NR1D2: variants seen among roughly 807,000 people sequenced by gnomAD.
The protein encoded by NR1D2 is V-erbA-related protein 1-related.
Under a neutral mutation model 52.2 loss-of-function variants are expected in NR1D2, and 25 were observed. The observed-to-expected ratio is 0.48, with a 90% CI of 0.35 to 0.67. The LOEUF (loss-of-function observed/expected upper bound fraction) is 0.67. NR1D2 is among the 30% of genes least tolerant of loss of function. The pLI, the probability that NR1D2 is intolerant of heterozygous loss-of-function variation, is 0.01. For missense variants in NR1D2, 681 were observed against 707.2 expected, an observed-to-expected ratio of 0.96 and a Z score of 0.42; for synonymous variants, 259 against 230.1, an observed-to-expected ratio of 1.13 and a Z score of -1.14.
chr3:23,968,231 T>TA (rs1459836119), intron 7 of NR1D2, among the ~76,000 whole-genome samples: 2 of 152,238 alleles, frequency 1.3e-5, no homozygotes, highest in Non-Finnish European at 2.9e-5. Context: ...AAGTAATACT[T>TA]ACATCTAGGC....
intron 1 of NR1D2, among the ~76,000 whole-genome samples, chr3:23,948,045 A>G (rs1457867542): frequency 6.6e-6 from 1 of 151,524 alleles, no homozygotes; most frequent in Non-Finnish European, 1.5e-5. Context: ...TGAACCTGGG[A>G]GGTGAAGATT....
intron 2 of NR1D2, among the ~76,000 whole-genome samples, chr3:23,955,424 A>G (rs996564420): frequency 1.3e-5 from 2 of 152,202 alleles, no homozygotes; most frequent in African/African-American, 2.4e-5. Flanking sequence ...TCCTGCTGAC[A>G]GGTCTGGAAA....
At position 23,967,988 on chromosome 3, in the gene NR1D2, T is replaced by A. The variant is rs369583351; in HGVS notation, c.1508T>A (p.Met503Lys). 6.2e-7 allele frequency: 1 copy of A among 1,613,988 alleles called. No homozygotes were observed. The highest frequency in any genetic ancestry group is 8.5e-7 in the Non-Finnish European group (1 of 1,179,992). ...LNALQLSDEE[M>K]SLFTAVVLVS... ...GCCCTCCAACTTAGTGATGAAGAGA[T>A]GAGTTTGTTTACAGCTGTTGTCCTG... The change falls in exon 7 of 8, where the codon ATG (methionine) becomes AAG (lysine). Residue 503 changes from methionine to lysine, a missense_variant. Met to Lys is a moderately conservative substitution (Grantham distance 95). Transcript: ENST00000312521.
intron 5 of NR1D2, among the ~76,000 whole-genome samples, chr3:23,963,973 G>A (rs781438412): frequency 6.8e-6 from 1 of 147,586 alleles, no homozygotes; most frequent in African/African-American, 2.5e-5. Flanking sequence ...TCACGCAGTC[G>A]TCATTTAGAA....
chr3:23,953,474 G>A (rs534305411), intron 1 of NR1D2, among the ~76,000 whole-genome samples: 42 of 151,858 alleles, frequency 2.8e-4, no homozygotes, highest in African/African-American at 1.0e-3. Context: ...CTGTTATTCT[G>A]GTATAGCATG....
chr3:23,953,063 G>C (rs1705986610), intron 1 of NR1D2, among the ~76,000 whole-genome samples: 1 of 151,684 alleles, frequency 6.6e-6, no homozygotes, highest in African/African-American at 2.4e-5. Flanking sequence ...GATAGGCCCG[G>C]TGCGGTGGCT....
chr3:23,953,640 C>T (rs1706005014), intron 1 of NR1D2, among the ~76,000 whole-genome samples: 1 of 152,122 alleles, frequency 6.6e-6, no homozygotes, highest in Admixed American at 6.5e-5. Flanking sequence ...CCACATATGT[C>T]TTCTGGGAAC....
chr3:23,967,213 G>T, intron 6 of NR1D2, among the ~76,000 whole-genome samples: 1 of 151,706 alleles, frequency 6.6e-6, no homozygotes, highest in Non-Finnish European at 1.5e-5. Context: ...ATCCCAGCTA[G>T]TTGGGAGGCT....
At chr3:23,967,669 T>C (rs987498690) in intron 6 of NR1D2, 144 bp from the exon 7 acceptor site, 4 of 627,828 alleles carry the variant, frequency 6.4e-6, no homozygotes, top group Non-Finnish European at 1.1e-5. Context: ...AATAGAGTGG[T>C]TTTGAGTAAA....
intron 1 of NR1D2, chr3:23,946,114 C>T (rs1575141464): frequency 3.0e-6 from 3 of 984,742 alleles, no homozygotes; most frequent in Non-Finnish European, 3.6e-6. Context: ...GTGACGTCGC[C>T]GCGATTCCCT....
Position 23,977,628 on chromosome 3 carries a change from T to G in NR1D2, c.*209T>G. On this transcript the variant is annotated 3_prime_UTR_variant, in exon 8 of 8. Transcript: ENST00000312521. Reference sequence around the variant, plus strand: ...TGACTGCATCTCCCTGATAGACCAATCAGCTGTGTCGCACTTAAACTGGAG... The same window carrying G: ...TGACTGCATCTCCCTGATAGACCAAGCAGCTGTGTCGCACTTAAACTGGAG... The G allele has an allele frequency of 2.6e-6, 1 of 383,318 alleles. No homozygotes were observed. The highest frequency in any genetic ancestry group is 4.6e-6 in the Non-Finnish European group (1 of 215,366). The allele number at this position is 383,318 out of a possible 1,614,324, so 23.7% of individuals were successfully genotyped here.
chr3:23,945,309 T>C lies in NR1D2; in HGVS notation c.-270T>C, dbSNP rs900948788. The stretch of plus-strand genomic sequence containing the variant: ...CCGTCAGCCGCCCTCGCCGCCGCGG[T>C]GCGCTGGCTGCAGGAAGCCGCCGCG... On this transcript the variant is annotated 5_prime_UTR_variant, in exon 1 of 8. Coordinates refer to ENST00000312521, the MANE Select transcript of NR1D2 (RefSeq NM_005126.5). 2.5e-5 allele frequency: 4 copies of C among 157,014 alleles called. No homozygotes were observed. The highest frequency in any genetic ancestry group is 9.7e-5 in the African/African-American group (4 of 41,356). 9.7% of individuals were successfully genotyped at this position (157,014 alleles called of 1,614,324 possible).
intron 1 of NR1D2, among the ~76,000 whole-genome samples, chr3:23,950,507 T>C (rs1705895877): frequency 6.6e-6 from 1 of 152,262 alleles, no homozygotes; most frequent in African/African-American, 2.4e-5. Flanking sequence ...GAGGAACTAC[T>C]AGATGTACTC....
At chr3:23,956,202 A>G in intron 3 of NR1D2, 77 bp downstream of exon 3, 1 of 1,143,166 alleles carries the variant, frequency 8.7e-7, no homozygotes, top group Non-Finnish European at 1.3e-6. Flanking sequence ...CCATTTGTGC[A>G]ATTGATAGTC....
intron 6 of NR1D2, 129 bp downstream of exon 6, chr3:23,965,291 G>T: frequency 1.5e-6 from 1 of 686,648 alleles, no homozygotes; most frequent in Non-Finnish European, 2.3e-6. Flanking sequence ...CCAGGCTGGA[G>T]TGCAGCAGCG....
At chr3:23,953,088 C>T (rs1458845985) in intron 1 of NR1D2, among the ~76,000 whole-genome samples, 1 of 151,608 alleles carries the variant, frequency 6.6e-6, no homozygotes, top group Non-Finnish European at 1.5e-5. Flanking sequence ...CCTGTAATCC[C>T]AGCACTGGGA....
intron 7 of NR1D2, among the ~76,000 whole-genome samples, chr3:23,976,450 G>T (rs1306493544): frequency 6.6e-6 from 1 of 152,226 alleles, no homozygotes; most frequent in Non-Finnish European, 1.5e-5. Flanking sequence ...GAAGGCTTGA[G>T]TAGGGAAGGA....
Position 23,967,855 on chromosome 3 carries a change from C to A in NR1D2, c.1375C>A (p.Arg459Ser), listed in dbSNP as rs781368436. 6.2e-7 allele frequency: 1 copy of A among 1,613,990 alleles called. No homozygotes were observed. Among genetic ancestry groups the A allele is most frequent in the Non-Finnish European group, 8.5e-7 (1 of 1,179,970 alleles). The change falls in exon 7 of 8, where the codon CGT becomes AGT. Residue 459 changes from arginine to serine, a missense_variant. Transcript: ENST00000312521. ...CGCATCATTATTTGATGCAAAGGAA[C>A]GTACTGTCACCTTTTTAAGTGGAAA... is the stretch of plus-strand genomic sequence containing the variant. ...RFASLFDAKE[R>S]TVTFLSGKKY...
intron 1 of NR1D2, among the ~76,000 whole-genome samples, chr3:23,950,902 C>CT (rs1181448290): frequency 0.012 from 1,456 of 123,078 alleles, 20 homozygotes; most frequent in African/African-American, 0.028. Context: ...CTTTCTTTTT[C>CT]TTTTTTTTTT....
Sources: gnomAD v4.1 joint callset for allele counts (sites outside exome capture counted in the v4.1 genomes callset) on GRCh38, gnomAD v4.1.1 for gene constraint, MANE v1.5 for transcripts, NCBI Gene and HGNC (gene_info 2026-07-23, HGNC 2026-07-21) for gene names.